Variants in GALNT16 observed in about 807,000 individuals in gnomAD.
GALNT16 encodes the protein polypeptide N-acetylgalactosaminyltransferase 16, also known as UDP-GalNAc:polypeptide N-acetylgalactosaminyltransferase-like protein 1.
Under a neutral mutation model 76.1 loss-of-function variants are expected in GALNT16, and 40 were observed. That is an observed-to-expected ratio of 0.53 (90% CI 0.41 to 0.68). The LOEUF is 0.68. GALNT16 is among the 30% of genes least tolerant of loss of function. The probability of loss-of-function intolerance (pLI) is 0.00; values close to 1 mark genes in which losing one functional copy is unlikely to be tolerated. For synonymous variants in GALNT16, 276 were observed against 285.2 expected (o/e 0.97, Z 0.32); for missense variants, 621 against 731.9 (o/e 0.85, Z 1.75).
In GALNT16 at chr14:69,352,464, G is replaced by A; in HGVS notation, c.*296G>A. On this transcript the variant is annotated 3_prime_UTR_variant, in exon 15 of 15. Transcript: ENST00000448469. ...CCCCTGGCCCTTTGTCCTCTCCCTTGGCGCTTCTTGGGGCTGGGACAATAG... is the reference window on the plus strand; with the variant it reads ...CCCCTGGCCCTTTGTCCTCTCCCTTAGCGCTTCTTGGGGCTGGGACAATAG... The A allele has an allele frequency of 3.1e-6, 1 of 325,172 alleles. No individual in the cohort carries two copies. The highest frequency in any genetic ancestry group is 4.6e-5 in the Admixed American group (1 of 21,740). 20.1% of individuals were successfully genotyped at this position (325,172 alleles called of 1,614,324 possible).
the GALNT16 span, among the ~76,000 whole-genome samples, chr14:69,378,232 T>C: frequency 6.6e-6 from 1 of 152,236 alleles, no homozygotes; most frequent in African/African-American, 2.4e-5. Context: ...CTGGGACCTC[T>C]TAAATCAAGC....
At position 69,352,897 on chromosome 14, in the gene GALNT16, C is replaced by G. The variant is rs533827914; in HGVS notation, c.*729C>G. ...GGGTCTGAGCCCGACGCTGCCTCTT[C>G]CGGTCCTGTGCCTGTGGGTGCCCAC... On this transcript the variant is annotated 3_prime_UTR_variant, in exon 15 of 15. Coordinates refer to ENST00000448469, the MANE Select transcript of GALNT16 (RefSeq NM_001168368.2). Among the ~76,000 whole-genome samples, 6 of 152,356 alleles carry G rather than the reference C, an allele frequency of 3.9e-5. No individual in the cohort carries two copies. In the South Asian group the frequency reaches 1.2e-3, roughly 32 times the overall value.
intron 12 of GALNT16, among the ~76,000 whole-genome samples, chr14:69,342,033 C>G (rs757901637): frequency 1.3e-5 from 2 of 152,206 alleles, no homozygotes; most frequent in Non-Finnish European, 1.5e-5. Flanking sequence ...CATTACATAG[C>G]AAAGGCTGCA....
rs996935746 is a variant in GALNT16 at position 69,311,445 on chromosome 14, A to T, written c.178-9266A>T. Among the ~76,000 whole-genome samples, 4 of 152,218 alleles carry T rather than the reference A, an allele frequency of 2.6e-5. No individual in the cohort carries two copies. The East Asian group carries it at 7.7e-4, about 29-fold the overall frequency. ...TTTCAACAGGAATTTTGGAGGGGAC[A>T]TATTCGAACCACAGCAGAGCCTCAA... On this transcript the variant is annotated intron_variant, in intron 1 of 14. Coordinates refer to ENST00000448469, the MANE Select transcript of GALNT16 (RefSeq NM_001168368.2).
At chr14:69,335,481 AC>A (rs1368964662) in intron 9 of GALNT16, among the ~76,000 whole-genome samples, 2 of 152,058 alleles carry the variant, frequency 1.3e-5, no homozygotes, top group Non-Finnish European at 2.9e-5. Flanking sequence ...AAGCTGGGAA[AC>A]CCACAGTCTC....
the GALNT16 span, chr14:69,380,508 ACCCCAACCCCC>A: frequency 1.3e-6 from 1 of 743,146 alleles, no homozygotes; most frequent in Non-Finnish European, 2.4e-6. Context: ...TTCCAAGCCC[ACCCCAACCCCC>A]CCAGTGCTTC....
At chr14:69,367,777 C>T in the GALNT16 span, among the ~76,000 whole-genome samples, 48 of 152,090 alleles carry the variant, frequency 3.2e-4, no homozygotes, top group African/African-American at 1.1e-3. Flanking sequence ...CTGCTTGAGG[C>T]CAGGAGCTTC....
At chr14:69,287,475 A>C (rs2044628900) in intron 1 of GALNT16, among the ~76,000 whole-genome samples, 1 of 152,228 alleles carries the variant, frequency 6.6e-6, no homozygotes, top group African/African-American at 2.4e-5. Context: ...TGAGTAGCAC[A>C]CAGCGTTTCC....
At chr14:69,364,596 C>T in the GALNT16 span, among the ~76,000 whole-genome samples, 1 of 152,138 alleles carries the variant, frequency 6.6e-6, no homozygotes. This position sits in a 1 kb window ranked among gnomAD's most constrained non-coding sequence, Gnocchi z 4.2. Flanking sequence ...AGCTTTTGCC[C>T]AGGGCCATGT....
chr14:69,337,291 CGTTAAAAAAAATAAG>C (rs2045427266), intron 9 of GALNT16, among the ~76,000 whole-genome samples: 2 of 151,838 alleles, frequency 1.3e-5, no homozygotes, highest in African/African-American at 4.8e-5. Context: ...TCAACGTCCT[CGTTAAAAAAAATAAG>C]GCTAAAAATC....
At chr14:69,329,040 A>G (rs779596297) in intron 6 of GALNT16, among the ~76,000 whole-genome samples, 14 of 152,208 alleles carry the variant, frequency 9.2e-5, no homozygotes, top group Non-Finnish European at 1.9e-4. Context: ...CCCGACCATA[A>G]AAAGACAAAT....
chr14:69,338,170 T>C (rs1474615315), intron 9 of GALNT16, among the ~76,000 whole-genome samples: 1 of 152,166 alleles, frequency 6.6e-6, no homozygotes, highest in Non-Finnish European at 1.5e-5. Context: ...GGAGACCAAC[T>C]GGGTCAAGAG....
At chr14:69,312,201 G>A (rs2045036407) in intron 1 of GALNT16, among the ~76,000 whole-genome samples, 2 of 152,020 alleles carry the variant, frequency 1.3e-5, no homozygotes, top group South Asian at 4.1e-4. Flanking sequence ...CAGTGAGCTA[G>A]AATCATGCCA....
At position 69,260,171 on chromosome 14, in the gene GALNT16, T is replaced by G; in HGVS notation, c.-120T>G. ...CCCCCCACCTCTCTCCTTTTTCTGC[T>G]CTGCAGGACTGAGCAGCTAGGCGCG... is the stretch of plus-strand genomic sequence containing the variant. On this transcript the variant is annotated 5_prime_UTR_variant, in exon 1 of 15. Transcript: ENST00000448469. The G allele has an allele frequency of 5.7e-6, 1 of 174,026 alleles. No homozygotes were observed. Among genetic ancestry groups the G allele is most frequent in the Non-Finnish European group, 1.1e-5 (1 of 88,570 alleles). 10.8% of individuals were successfully genotyped at this position (174,026 alleles called of 1,614,324 possible). A position where few individuals can be genotyped will look rare whatever the true frequency, so the allele number is the denominator to read the frequency against.
At chr14:69,384,090 C>T in the GALNT16 span, among the ~76,000 whole-genome samples, 1 of 152,112 alleles carries the variant, frequency 6.6e-6, no homozygotes, top group African/African-American at 2.4e-5. Context: ...TTTTACTCTG[C>T]TCAATTTTCA....
chr14:69,289,931 G>T (rs961896521), intron 1 of GALNT16, among the ~76,000 whole-genome samples: 1 of 152,036 alleles, frequency 6.6e-6, no homozygotes, highest in East Asian at 1.9e-4. Flanking sequence ...TAGAGACAGG[G>T]TTTCACCGTG....
At chr14:69,284,083 G>A (rs1484411794) in intron 1 of GALNT16, among the ~76,000 whole-genome samples, 6 of 152,124 alleles carry the variant, frequency 3.9e-5, no homozygotes, top group Non-Finnish European at 5.9e-5. Context: ...GCTCACACCT[G>A]CCCTGCTATA....
chr14:69,269,814 G>A (rs1178729362), intron 1 of GALNT16, among the ~76,000 whole-genome samples: 1 of 151,662 alleles, frequency 6.6e-6, no homozygotes, highest in Non-Finnish European at 1.5e-5. Flanking sequence ...GTGTGTTTGT[G>A]TGTGTGTGTG....
intron 1 of GALNT16, among the ~76,000 whole-genome samples, chr14:69,282,522 AT>A (rs944126363): frequency 2.2e-4 from 33 of 151,812 alleles, no homozygotes; most frequent in African/African-American, 8.0e-4. Context: ...CTTGGAAATG[AT>A]TTTTTTAGGG....
Sources: allele counts gnomAD v4.1 joint callset (sites outside exome capture counted in the v4.1 genomes callset), GRCh38; gene constraint gnomAD v4.1.1; non-coding constraint Gnocchi (gnomAD v3.1); transcripts MANE v1.5; gene names NCBI Gene and HGNC (gene_info 2026-07-23, HGNC 2026-07-21).